The following ZSCAN5A variants were observed in gnomAD, a reference collection of about 807,000 sequenced individuals.
ZSCAN5A encodes the protein zinc finger and SCAN domain-containing protein 5A.
Under a neutral mutation model 23.7 loss-of-function variants are expected in ZSCAN5A, and 12 were observed. That is an observed-to-expected ratio of 0.51 (90% confidence interval 0.32 to 0.82). The LOEUF (loss-of-function observed/expected upper bound fraction) is 0.82, where lower values mean the gene tolerates loss of function less well. Among genes scored for constraint, ZSCAN5A ranks in the 40% least tolerant of loss-of-function variants. The pLI, the probability that ZSCAN5A is intolerant of heterozygous loss-of-function variation, is 0.03. For missense variants in ZSCAN5A, 597 were observed against 617.9 expected (o/e 0.97, Z 0.36); for synonymous variants, 257 against 239.9 (o/e 1.07, Z -0.66).
At chr19:56,322,406 T>A (rs1213020099) in intron 2 of ZSCAN5A, 1 of 646,482 alleles carries the variant, frequency 1.5e-6, no homozygotes, top group East Asian at 2.7e-5. Context: ...CCTACAAATT[T>A]GTCCAGGAGG....
At chr19:56,337,485 CCTTT>C (rs1232997507) in intron 2 of ZSCAN5A, among the ~76,000 whole-genome samples, 2 of 152,208 alleles carry the variant, frequency 1.3e-5, no homozygotes, top group Non-Finnish European at 2.9e-5. Context: ...ATCTGTTACC[CCTTT>C]CTTTGACTAG....
In ZSCAN5A at chr19:56,295,550, G is replaced by A. The variant is rs143187069; in HGVS notation, c.-128+17733C>T. 3.6e-4 allele frequency among the ~76,000 whole-genome samples: 55 copies of A among 152,128 alleles called. No individual in the cohort carries two copies. In the East Asian group the frequency reaches 8.3e-3, roughly 23 times the overall value. On this transcript the variant is annotated intron_variant, in intron 2 of 5. Transcript: ENST00000683990. Reference sequence around the variant, plus strand: ...GCAGAAGTTGCAGTGAGCCGAGATCGTCCCACTGCACCCCAGTCTGGGCAA... The same window carrying A: ...GCAGAAGTTGCAGTGAGCCGAGATCATCCCACTGCACCCCAGTCTGGGCAA...
chr19:56,248,710 C>T (rs556070953), intron 2 of ZSCAN5A, among the ~76,000 whole-genome samples: 26 of 152,174 alleles, frequency 1.7e-4, no homozygotes, highest in African/African-American at 5.8e-4. Context: ...TCGGAGTATA[C>T]GTGTGAGCCA....
chr19:56,222,963 G>A lies in ZSCAN5A; in HGVS notation c.589-222C>T, dbSNP rs146202742. 3.3e-3 allele frequency among the ~76,000 whole-genome samples: 497 copies of A among 152,136 alleles called. 2 individuals are homozygous for A. The highest frequency in any genetic ancestry group is 0.011 in the African/African-American group (472 of 41,516). On this transcript the variant is annotated intron_variant, in intron 4 of 5. Coordinates refer to ENST00000683990, the MANE Select transcript of ZSCAN5A (RefSeq NM_001322064.3). ...CCCTCCATATTCCAAATCAGCTCCT[G>A]TGCCTGGTGGTTTTCACTGTTTGGT...
At chr19:56,285,714 C>T (rs1052104102) in intron 2 of ZSCAN5A, among the ~76,000 whole-genome samples, 3 of 151,760 alleles carry the variant, frequency 2.0e-5, no homozygotes, top group Admixed American at 6.6e-5. Flanking sequence ...CTCCTGACCT[C>T]GTGATCCGCC....
chr19:56,302,484 C>CCATCCTTCTT (rs1455116491), intron 2 of ZSCAN5A, among the ~76,000 whole-genome samples: 1 of 127,062 alleles, frequency 7.9e-6, no homozygotes, highest in African/African-American at 3.2e-5. Flanking sequence ...TTCTTCCTTC[C>CCATCCTTCTT]CATCCTTCTT....
chr19:56,272,036 C>A (rs2033491), intron 2 of ZSCAN5A, among the ~76,000 whole-genome samples: 135,385 of 151,860 alleles, frequency 0.89, 60,870 homozygotes, highest in Middle Eastern at 0.94. Context: ...ATCACATTAG[C>A]CTGGAAATAT....
rs115648753 is a variant in ZSCAN5A, at chr19:56,291,917, G to A, written c.-128+21366C>T. Among the ~76,000 whole-genome samples the A allele has an allele frequency of 9.5e-3, 1,451 of 152,266 alleles. 20 individuals are homozygous for A. The highest frequency in any genetic ancestry group is 0.033 in the African/African-American group (1,385 of 41,544). ...AAAGAGCTTTCTAGGTGCCAGGCGC[G>A]AGGCACCAGAGCAGCACTTTTCAAT... is the stretch of plus-strand genomic sequence containing the variant. On this transcript the variant is annotated intron_variant, in intron 2 of 5. Coordinates refer to ENST00000683990, the MANE Select transcript of ZSCAN5A (RefSeq NM_001322064.3).
At chr19:56,233,915 G>C (rs111331552) in intron 2 of ZSCAN5A, among the ~76,000 whole-genome samples, 3 of 152,040 alleles carry the variant, frequency 2.0e-5, no homozygotes, top group Non-Finnish European at 2.9e-5. Flanking sequence ...AAAGGAACCC[G>C]GGCCAGGCAC....
intron 2 of ZSCAN5A, chr19:56,297,971 A>G (rs1348004896): frequency 6.6e-6 from 1 of 150,716 alleles, no homozygotes; most frequent in African/African-American, 2.4e-5. Flanking sequence ...GCTACCCGGG[A>G]GGCTGAGGCA....
intron 2 of ZSCAN5A, among the ~76,000 whole-genome samples, chr19:56,293,959 G>A (rs749255976): frequency 2.0e-5 from 3 of 152,186 alleles, no homozygotes; most frequent in Non-Finnish European, 4.4e-5. Context: ...GGTCTGTGAG[G>A]ACCACCTCAT....
intron 5 of ZSCAN5A, 127 bp from the exon 6 acceptor site, chr19:56,222,453 AGGTC>A: frequency 6.4e-7 from 1 of 1,551,080 alleles, no homozygotes; most frequent in Non-Finnish European, 8.7e-7. Flanking sequence ...ATTGGACTGT[AGGTC>A]TCTGGAAAGT....
At chr19:56,291,640 G>C (rs1600204251) in intron 2 of ZSCAN5A, among the ~76,000 whole-genome samples, 2 of 152,042 alleles carry the variant, frequency 1.3e-5, no homozygotes, top group East Asian at 3.9e-4. Flanking sequence ...AAACCTAAGA[G>C]TCTTGTTTCA....
At chr19:56,331,075 T>G (rs918084204) in intron 2 of ZSCAN5A, among the ~76,000 whole-genome samples, 1 of 152,208 alleles carries the variant, frequency 6.6e-6, no homozygotes, top group Non-Finnish European at 1.5e-5. Flanking sequence ...TCTTCACCAT[T>G]GTTTTTCTGT....
intron 2 of ZSCAN5A, among the ~76,000 whole-genome samples, chr19:56,271,595 T>C (rs2146958935): frequency 6.6e-6 from 1 of 152,266 alleles, no homozygotes; most frequent in South Asian, 2.1e-4. Flanking sequence ...GTCTGAAGGA[T>C]CGCTGAGGTA....
chr19:56,353,284 A>G (rs2869161), intron 2 of ZSCAN5A, among the ~76,000 whole-genome samples: 16,611 of 152,198 alleles, frequency 0.11, 1,252 homozygotes, highest in African/African-American at 0.21. Context: ...AAGAATATGA[A>G]AGGTGGGAAA....
chr19:56,342,470 G>A (rs2041600460), intron 2 of ZSCAN5A: 1 of 401,422 alleles, frequency 2.5e-6, no homozygotes, highest in Admixed American at 2.6e-5. Flanking sequence ...AATTTTCATA[G>A]GCAAATTCTG....
Position 56,222,181 on chromosome 19 carries a change from G to T in ZSCAN5A, c.885C>A (p.Ser295Arg), listed in dbSNP as rs540546268. 1.0e-4 allele frequency: 161 copies of T among 1,613,888 alleles called. No homozygotes were observed. The African/African-American group carries it at 1.2e-3, about 12-fold the overall frequency. Reference protein sequence around the residue: ...SGNRGDALNLSSPKRSKPDAS... With the variant: ...SGNRGDALNLRSPKRSKPDAS... ...CATCTGGTTTGCTTCTTTTGGGACT[G>T]CTCAGATTCAGAGCGTCTCCTCTGT... The change falls in exon 6 of 6, where the codon AGC becomes AGA. Residue 295 changes from serine to arginine, a missense_variant. Physicochemically the swap from Ser to Arg is moderately radical, Grantham distance 110 (BLOSUM62 -1). Transcript: ENST00000683990.
chr19:56,343,239 C>G, intron 2 of ZSCAN5A: 1 of 822,534 alleles, frequency 1.2e-6, no homozygotes, highest in Non-Finnish European at 2.0e-6. Context: ...TGGTGATGTC[C>G]TTGGCAACCC....
Sources: allele counts gnomAD v4.1 joint callset (sites outside exome capture counted in the v4.1 genomes callset), GRCh38; gene constraint gnomAD v4.1.1; transcripts MANE v1.5; gene names NCBI Gene and HGNC (gene_info 2026-07-23, HGNC 2026-07-21).